VMP1: variants seen among roughly 807,000 people sequenced by gnomAD.
VMP1 encodes vacuole membrane protein 1, also known as ectopic P-granules autophagy protein 3 homolog.
VMP1 carries 11 observed loss-of-function variants against 56.0 expected under a neutral mutation model. The ratio of observed to expected loss-of-function variants is 0.20; its 90% CI spans 0.12 to 0.32. The LOEUF (loss-of-function observed/expected upper bound fraction) is 0.32. Among genes scored for constraint, VMP1 ranks in the 10% least tolerant of loss-of-function variants. The pLI is 1.00. For synonymous variants in VMP1, 149 were observed against 165.0 expected (o/e 0.90, Z 0.74); for missense variants, 296 against 490.3 (o/e 0.60, Z 3.74).
At chr17:59,834,318 A>G (rs2038909966) in intron 10 of VMP1, among the ~76,000 whole-genome samples, 1 of 149,428 alleles carries the variant, frequency 6.7e-6, no homozygotes. Context: ...GGTAGAGTGC[A>G]ATGGCATGAT....
At chr17:59,795,549 T>C (rs1031418721) in intron 7 of VMP1, among the ~76,000 whole-genome samples, 2 of 151,624 alleles carry the variant, frequency 1.3e-5, no homozygotes, top group African/African-American at 2.4e-5. Context: ...TGGTGGCTCA[T>C]GCCTGTAATC....
intron 7 of VMP1, among the ~76,000 whole-genome samples, chr17:59,808,380 A>T (rs1301190441): frequency 2.0e-5 from 3 of 152,214 alleles, no homozygotes; most frequent in Non-Finnish European, 4.4e-5. Context: ...ATTGCCACAT[A>T]ACTGTTTTTT....
rs1296238370 is a variant in VMP1 at position 59,801,112 on chromosome 17, A to ATATG, written c.715-7683_715-7682insATGT. On this transcript the variant is annotated intron_variant, in intron 7 of 11. Coordinates refer to ENST00000262291, the MANE Select transcript of VMP1 (RefSeq NM_030938.5). ...AAAAAATATATATATATATATATATATGTGTGTGTGTGTGTGTGTGTGTGT... is the reference window on the plus strand; with the variant it reads ...AAAAAATATATATATATATATATATATATGTGTGTGTGTGTGTGTGTGTGTGTGT... 2.1e-3 allele frequency among the ~76,000 whole-genome samples: 236 copies of ATATG among 110,306 alleles called. 2 individuals carry two copies. The highest frequency in any genetic ancestry group is 7.8e-3 in the African/African-American group (178 of 22,722). The allele number at this position is 110,306 out of a possible 152,430, so 72.4% of individuals were successfully genotyped here.
chr17:59,730,703 A>G (rs1282947592), intron 1 of VMP1, among the ~76,000 whole-genome samples: 1 of 152,214 alleles, frequency 6.6e-6, no homozygotes, highest in Non-Finnish European at 1.5e-5. Context: ...CTTTACTAAC[A>G]CCTGAAGAAT....
chr17:59,778,777 C>G (rs918449371), intron 7 of VMP1, among the ~76,000 whole-genome samples: 3 of 152,212 alleles, frequency 2.0e-5, no homozygotes, highest in Non-Finnish European at 2.9e-5. Flanking sequence ...CCCTAACTTA[C>G]AGTGGTTTGA....
At position 59,841,387 on chromosome 17, in the gene VMP1, A is replaced by T. The variant is rs759493482; in HGVS notation, c.*1476A>T. The stretch of plus-strand genomic sequence containing the variant: ...CCATATCCAATGTTCTCATTTAAAC[A>T]TTACCCAGCATCATTGTTTATAATC... On this transcript the variant is annotated 3_prime_UTR_variant, in exon 12 of 12. Transcript: ENST00000262291. 1 of 465,384 alleles carries T rather than the reference A, an allele frequency of 2.1e-6. No individual in the cohort carries two copies. Among genetic ancestry groups the T allele is most frequent in the Admixed American group, 2.0e-5 (1 of 50,320 alleles). The allele number at this position is 465,384 out of a possible 1,614,324, so 28.8% of individuals were successfully genotyped here. A position where few individuals can be genotyped will look rare whatever the true frequency, so the allele number is the denominator to read the frequency against.
intron 5 of VMP1, among the ~76,000 whole-genome samples, chr17:59,741,308 G>T (rs981397097): frequency 6.6e-6 from 1 of 152,190 alleles, no homozygotes; most frequent in Non-Finnish European, 1.5e-5. Context: ...GAAGGTGGAA[G>T]AGAAGAGGAG....
intron 1 of VMP1, among the ~76,000 whole-genome samples, chr17:59,726,095 C>T (rs1422903537): frequency 6.6e-6 from 1 of 152,062 alleles, no homozygotes; most frequent in Non-Finnish European, 1.5e-5. Flanking sequence ...CTTTTCATCA[C>T]AAATTAAATA....
In VMP1 at chr17:59,794,517, ATT is replaced by A. The variant is rs71145572; in HGVS notation, c.715-14246_715-14245del. On this transcript the variant is annotated intron_variant, in intron 7 of 11. Coordinates refer to ENST00000262291, the MANE Select transcript of VMP1 (RefSeq NM_030938.5). ...ACAGGTGTGAGCCCCCGCGCCCTGCATTTTTTTTTTTTTTTTTTTTTTTTTTT... is the reference window on the plus strand; with the variant it reads ...ACAGGTGTGAGCCCCCGCGCCCTGCATTTTTTTTTTTTTTTTTTTTTTTTT... Among the ~76,000 whole-genome samples, 95 of 43,110 alleles carry A rather than the reference ATT, an allele frequency of 2.2e-3. 1 individual carries two copies. The highest frequency in any genetic ancestry group is 6.6e-3 in the African/African-American group (57 of 8,610). 28.3% of individuals were successfully genotyped at this position (43,110 alleles called of 152,430 possible). A position where few individuals can be genotyped will look rare whatever the true frequency, so the allele number is the denominator to read the frequency against.
At chr17:59,757,272 GA>G (rs2035877394) in intron 5 of VMP1, among the ~76,000 whole-genome samples, 3 of 151,942 alleles carry the variant, frequency 2.0e-5, no homozygotes, top group Admixed American at 6.6e-5. Flanking sequence ...TAGATAGATA[GA>G]TAGATAGATA....
At chr17:59,740,788 T>C (rs1354998604) in intron 5 of VMP1, among the ~76,000 whole-genome samples, 1 of 152,226 alleles carries the variant, frequency 6.6e-6, no homozygotes, top group Non-Finnish European at 1.5e-5. Context: ...GATACTTTTC[T>C]GTTCGTGTCT....
At chr17:59,731,752 T>C (rs2034832791) in intron 2 of VMP1, among the ~76,000 whole-genome samples, 1 of 152,202 alleles carries the variant, frequency 6.6e-6, no homozygotes, top group African/African-American at 2.4e-5. Flanking sequence ...TATTACTTGT[T>C]AATCTTATAG....
intron 10 of VMP1, among the ~76,000 whole-genome samples, chr17:59,836,629 G>A (rs1467176836): frequency 1.3e-5 from 2 of 151,536 alleles, no homozygotes; most frequent in African/African-American, 4.9e-5. Context: ...ATCAGTTCGT[G>A]TGTGTGTGTG....
At chr17:59,780,356 C>T (rs1196817953) in intron 7 of VMP1, among the ~76,000 whole-genome samples, 2 of 152,116 alleles carry the variant, frequency 1.3e-5, no homozygotes, top group Non-Finnish European at 2.9e-5. Context: ...TTTGGGAGAC[C>T]AAGGTGGGCG....
At chr17:59,826,203 T>C (rs1380657743) in intron 10 of VMP1, among the ~76,000 whole-genome samples, 1 of 152,198 alleles carries the variant, frequency 6.6e-6, no homozygotes, top group African/African-American at 2.4e-5. Flanking sequence ...TATATATCCT[T>C]CTCTTTTGAC....
Position 59,797,213 on chromosome 17 carries a change from C to T in VMP1, c.715-11583C>T, listed in dbSNP as rs548926282. Among the ~76,000 whole-genome samples the T allele has an allele frequency of 2.0e-5, 3 of 151,350 alleles. No individual in the cohort carries two copies. In the East Asian group the frequency reaches 5.8e-4, roughly 29 times the overall value. On this transcript the variant is annotated intron_variant, in intron 7 of 11. Transcript: ENST00000262291. ...ATTAGCCAGGCATTGTGGCACACGC[C>T]TGTAGTCCGAGCTACTGGGGAGGCT... is the stretch of plus-strand genomic sequence containing the variant.
At chr17:59,774,087 T>C (rs998959542) in intron 7 of VMP1, among the ~76,000 whole-genome samples, 1 of 151,174 alleles carries the variant, frequency 6.6e-6, no homozygotes, top group Admixed American at 6.6e-5. Context: ...AAAAATGCAA[T>C]AAGACAACTC....
At chr17:59,737,388 T>A in intron 3 of VMP1, 65 bp from the exon 4 acceptor site, 1 of 1,516,484 alleles carries the variant, frequency 6.6e-7, no homozygotes, top group Non-Finnish European at 8.9e-7. Context: ...CAAGAAATTG[T>A]TCTGAGAATG....
chr17:59,832,503 T>A, intron 10 of VMP1, among the ~76,000 whole-genome samples: 1 of 152,150 alleles, frequency 6.6e-6, no homozygotes, highest in Admixed American at 6.6e-5. Flanking sequence ...TGCAGTTGAC[T>A]GAAAAAATAG....
Sources: gnomAD v4.1 joint callset for allele counts (sites outside exome capture counted in the v4.1 genomes callset) on GRCh38, gnomAD v4.1.1 for gene constraint, MANE v1.5 for transcripts, NCBI Gene and HGNC (gene_info 2026-07-23, HGNC 2026-07-21) for gene names.